The following DIS3L2 variants were observed in gnomAD, a reference collection of about 807,000 sequenced individuals.
DIS3L2 encodes the protein DIS3 like 3'-5' exoribonuclease 2.
DIS3L2 carries 34 observed loss-of-function variants against 97.5 expected under a neutral mutation model. The ratio of observed to expected loss-of-function variants is 0.35; its 90% CI spans 0.27 to 0.46. The LOEUF (loss-of-function observed/expected upper bound fraction) is 0.46. Ranked by LOEUF, DIS3L2 falls within the 20% of genes least tolerant of loss-of-function variation. DIS3L2 has a pLI of 1.00. For missense variants in DIS3L2, 1,038 were observed against 1,146.0 expected (o/e 0.91, Z 1.36); for synonymous variants, 435 against 445.2 (o/e 0.98, Z 0.29).
At chr2:232,184,707 T>C (rs921761321) in intron 9 of DIS3L2, among the ~76,000 whole-genome samples, 1 of 152,144 alleles carries the variant, frequency 6.6e-6, no homozygotes, top group Non-Finnish European at 1.5e-5. Context: ...GTGGGCAAAT[T>C]ATTCCTAAGA....
chr2:232,115,168 A>C (rs532492340), intron 6 of DIS3L2, among the ~76,000 whole-genome samples: 116 of 152,302 alleles, frequency 7.6e-4, no homozygotes, highest in African/African-American at 2.6e-3. Context: ...TTGGGAATTA[A>C]GTTTCACCAT....
At chr2:232,033,601 A>G (rs999550396) in intron 5 of DIS3L2, among the ~76,000 whole-genome samples, 4 of 152,150 alleles carry the variant, frequency 2.6e-5, no homozygotes, top group African/African-American at 9.7e-5. Context: ...GATATTGGCT[A>G]TGGGTTTGTC....
intron 5 of DIS3L2, among the ~76,000 whole-genome samples, chr2:232,083,427 C>G (rs1468304811): frequency 6.6e-6 from 1 of 151,914 alleles, no homozygotes; most frequent in Non-Finnish European, 1.5e-5. Flanking sequence ...TTTGTGGAAC[C>G]ACTAGTGGCA....
intron 8 of DIS3L2, among the ~76,000 whole-genome samples, chr2:232,147,945 TCCCTCCCCTCCCTTTCCTCCCCTC>T (rs1553611192): frequency 1.4e-5 from 2 of 139,588 alleles, no homozygotes; most frequent in African/African-American, 2.7e-5. Context: ...TCCCTTCCCT[TCCCTCCCCTCCCTTTCCTCCCCTC>T]CCCTCCCCTC....
At chr2:232,057,386 C>T (rs1186868846) in intron 5 of DIS3L2, among the ~76,000 whole-genome samples, 1 of 152,012 alleles carries the variant, frequency 6.6e-6, no homozygotes, top group Admixed American at 6.6e-5. Context: ...GAGCAAGTCG[C>T]AATTTTGGGC....
At chr2:232,057,026 T>C (rs1490098640) in intron 5 of DIS3L2, among the ~76,000 whole-genome samples, 1 of 152,146 alleles carries the variant, frequency 6.6e-6, no homozygotes, top group Non-Finnish European at 1.5e-5. Context: ...CAAATCTCAA[T>C]AGTAGAATGG....
intron 3 of DIS3L2, among the ~76,000 whole-genome samples, chr2:232,016,350 C>G (rs923113406): frequency 6.6e-6 from 1 of 152,178 alleles, no homozygotes; most frequent in Non-Finnish European, 1.5e-5. Context: ...GATTGCCTTG[C>G]TGTACTTCAG....
At chr2:232,175,794 G>C (rs534983703) in intron 9 of DIS3L2, among the ~76,000 whole-genome samples, 66 of 151,778 alleles carry the variant, frequency 4.3e-4, no homozygotes, top group Non-Finnish European at 7.5e-4. Flanking sequence ...GGCGATGGGT[G>C]GGGGGGTGGT....
chr2:232,218,634 G>C (rs1225536500), intron 10 of DIS3L2, among the ~76,000 whole-genome samples: 1 of 152,190 alleles, frequency 6.6e-6, no homozygotes, highest in Admixed American at 6.5e-5. Flanking sequence ...TCCGCCTCTT[G>C]CTTTTATGAT....
chr2:232,115,059 G>C (rs77235984), intron 6 of DIS3L2, among the ~76,000 whole-genome samples: 1 of 152,074 alleles, frequency 6.6e-6, no homozygotes, highest in South Asian at 2.1e-4. Flanking sequence ...CCAATCCCAT[G>C]ATAACCCATT....
chr2:232,082,824 T>C (rs1157428301), intron 5 of DIS3L2, among the ~76,000 whole-genome samples: 2 of 152,236 alleles, frequency 1.3e-5, no homozygotes, highest in African/African-American at 4.8e-5. Flanking sequence ...TCTTCTGTAT[T>C]AGTCCATTTT....
chr2:232,194,127 A>AAAAGG (rs1691686674), intron 9 of DIS3L2, among the ~76,000 whole-genome samples: 1 of 151,892 alleles, frequency 6.6e-6, no homozygotes, highest in African/African-American at 2.4e-5. Context: ...AAAGAAAAAG[A>AAAAGG]AAAAAGATTC....
chr2:232,168,320 T>C (rs1314368409), intron 9 of DIS3L2, among the ~76,000 whole-genome samples: 1 of 152,192 alleles, frequency 6.6e-6, no homozygotes, highest in Non-Finnish European at 1.5e-5. Context: ...AAGTATCTGA[T>C]AGGTAACATA....
At chr2:232,316,642 G>T (rs1274874826) in intron 14 of DIS3L2, among the ~76,000 whole-genome samples, 1 of 152,196 alleles carries the variant, frequency 6.6e-6, no homozygotes, top group African/African-American at 2.4e-5. Context: ...TGGGTTCCCG[G>T]CCCCACCTCT....
At chr2:232,106,645 T>C (rs759246255) in intron 6 of DIS3L2, among the ~76,000 whole-genome samples, 3 of 152,108 alleles carry the variant, frequency 2.0e-5, no homozygotes, top group Non-Finnish European at 4.4e-5. Flanking sequence ...AGATTCCCAC[T>C]CAATAATAGC....
chr2:232,229,788 C>A (rs1302584189), intron 10 of DIS3L2, among the ~76,000 whole-genome samples: 1 of 152,142 alleles, frequency 6.6e-6, no homozygotes, highest in Non-Finnish European at 1.5e-5. Context: ...GGAAAAGGTT[C>A]TTGAAGCTGC....
chr2:232,065,222 T>C (rs1286400772), intron 5 of DIS3L2, among the ~76,000 whole-genome samples: 1 of 152,092 alleles, frequency 6.6e-6, no homozygotes, highest in African/African-American at 2.4e-5. Flanking sequence ...TTTATACAAC[T>C]GGAACTTTAT....
intron 6 of DIS3L2, among the ~76,000 whole-genome samples, chr2:232,126,076 T>G (rs1170962988): frequency 2.6e-5 from 4 of 152,210 alleles, no homozygotes; most frequent in Non-Finnish European, 5.9e-5. Flanking sequence ...ATTATCTTAA[T>G]TTGGGTTCTG....
chr2:232,099,220 A>AT lies in DIS3L2; in HGVS notation c.601+11512dup, dbSNP rs572085302. ...GTAATATTAGGGTAGTATTTTTTGT[A>AT]TTTTTTTTTTTTTGGGACAGAGTCT... On this transcript the variant is annotated intron_variant, in intron 6 of 20. Transcript: ENST00000325385. Among the ~76,000 whole-genome samples, 400 of 143,094 alleles carry AT rather than the reference A, an allele frequency of 2.8e-3. 1 individual carries two copies. The highest frequency in any genetic ancestry group is 3.6e-3 in the Non-Finnish European group (231 of 64,884). The allele number at this position is 143,094 out of a possible 152,430, so 93.9% of individuals were successfully genotyped here.
Sources: gnomAD v4.1 joint callset for allele counts (sites outside exome capture counted in the v4.1 genomes callset) on GRCh38, gnomAD v4.1.1 for gene constraint, MANE v1.5 for transcripts, NCBI Gene and HGNC (gene_info 2026-07-23, HGNC 2026-07-21) for gene names.